KRT8: variants seen among roughly 807,000 people sequenced by gnomAD.
KRT8 encodes keratin 8, also known as keratin, type II cytoskeletal 8.
A neutral mutation model predicts 43.0 loss-of-function variants in KRT8; 24 were observed. That is an observed-to-expected ratio of 0.56 (90% confidence interval 0.40 to 0.78). The LOEUF (loss-of-function observed/expected upper bound fraction) is 0.78, where lower values mean the gene tolerates loss of function less well. Ranked by LOEUF, KRT8 falls within the 30% of genes least tolerant of loss-of-function variation. KRT8 has a pLI of 0.00. For synonymous variants in KRT8, 214 were observed against 261.2 expected, an observed-to-expected ratio of 0.82 and a Z score of 1.74; for missense variants, 492 against 638.4, an observed-to-expected ratio of 0.77 and a Z score of 2.47.
At chr12:52,911,839 C>T (rs554486713), upstream of KRT8, among the ~76,000 whole-genome samples, 132 of 152,230 alleles carry the variant, frequency 8.7e-4, no homozygotes, top group Non-Finnish European at 1.6e-3. Context: ...GCCTGGCCAA[C>T]ATGGTGAAAC....
intron 2 of KRT8, among the ~76,000 whole-genome samples, chr12:52,925,385 G>A (rs940461135): frequency 1.1e-4 from 17 of 152,286 alleles, no homozygotes; most frequent in African/African-American, 2.9e-4. Context: ...TGTGGGCCCC[G>A]AAGCATACCT....
At chr12:52,918,155 G>GGGAAGAAGAAGAGGAAGA (rs1941792343) in intron 2 of KRT8, among the ~76,000 whole-genome samples, 1 of 76,178 alleles carries the variant, frequency 1.3e-5, no homozygotes, top group African/African-American at 5.3e-5. Context: ...GAGGGAGAAG[G>GGGAAGAAGAAGAGGAAGA]GGAAGAAGAA....
At position 52,902,138 on chromosome 12, in the gene KRT8, A is replaced by C. The variant is rs1233680883; in HGVS notation, c.325-66T>G. On this transcript the variant is annotated intron_variant, in intron 1 of 7. Coordinates refer to ENST00000692008, the Ensembl canonical transcript of KRT8. Reference sequence around the variant, plus strand: ...CAGGGCTCAAAGTCTGGAGGAAAGCAAGCAGTCTTTTCTCTTAATTCACTC... The same window carrying C: ...CAGGGCTCAAAGTCTGGAGGAAAGCCAGCAGTCTTTTCTCTTAATTCACTC... 5 of 978,310 alleles carry C rather than the reference A, an allele frequency of 5.1e-6. No individual in the cohort carries two copies. In the African/African-American group the frequency reaches 7.9e-5, roughly 16 times the overall value. 60.6% of individuals were successfully genotyped at this position (978,310 alleles called of 1,614,324 possible).
chr12:52,901,091 A>C lies in KRT8; in HGVS notation c.594+68T>G, dbSNP rs1941358175. The C allele has an allele frequency of 2.7e-6, 3 of 1,128,996 alleles. No individual in the cohort carries two copies. In the Admixed American group the frequency reaches 5.0e-5, roughly 19 times the overall value. The allele number at this position is 1,128,996 out of a possible 1,614,324, so 69.9% of individuals were successfully genotyped here. ...GAATATTTAGGGACAAAACCCAGAA[A>C]GCTTCTTGGTCTGAGTCTCTGAGCC... is the stretch of plus-strand genomic sequence containing the variant. On this transcript the variant is annotated intron_variant, in intron 3 of 7. Coordinates refer to ENST00000692008, the Ensembl canonical transcript of KRT8.
chr12:52,928,609 A>G (rs1942033101), intron 2 of KRT8, among the ~76,000 whole-genome samples: 1 of 152,096 alleles, frequency 6.6e-6, no homozygotes, highest in Admixed American at 6.6e-5. Context: ...TTCCTTTAAA[A>G]AAAGAAAGAA....
rs557259160 is a variant in KRT8 at position 52,943,615 on chromosome 12, G to C, written c.-47+5841C>G. On this transcript the variant is annotated intron_variant, in intron 2 of 6. Coordinates refer to the KRT8 transcript ENST00000546826. ...TGAGGGGGATGCTCCAGGTGGGCCC[G>C]TTGCACGTGGCCGTGCAGGGTGTTC... 4.6e-5 allele frequency among the ~76,000 whole-genome samples: 7 copies of C among 152,312 alleles called. No homozygotes were observed. In the South Asian group the frequency reaches 1.5e-3, roughly 32 times the overall value.
intron 2 of KRT8, among the ~76,000 whole-genome samples, chr12:52,917,708 C>CA (rs535303270): frequency 0.014 from 422 of 29,898 alleles, 3 homozygotes; most frequent in Middle Eastern, 0.033. Flanking sequence ...GACTCTGTCT[C>CA]AAAAAAAAAA....
chr12:52,922,394 C>T (rs929720209), intron 2 of KRT8, among the ~76,000 whole-genome samples: 1 of 151,914 alleles, frequency 6.6e-6, no homozygotes, highest in Non-Finnish European at 1.5e-5. Flanking sequence ...ATGAGGAGGC[C>T]AGGCACGGTG....
intron 3 of KRT8, chr12:52,900,941 TGTTTTCTGA>T: frequency 3.1e-6 from 2 of 638,920 alleles, no homozygotes; most frequent in Non-Finnish European, 2.8e-6. Flanking sequence ...TCTACTGCTC[TGTTTTCTGA>T]ACCATGTCCC....
chr12:52,918,094 GA>G lies in KRT8; in HGVS notation c.-46-13068del, dbSNP rs1257344136. Among the ~76,000 whole-genome samples, 33 of 137,592 alleles carry G rather than the reference GA, an allele frequency of 2.4e-4. 1 individual carries two copies. The highest frequency in any genetic ancestry group is 8.7e-4 in the African/African-American group (30 of 34,380). The allele number at this position is 137,592 out of a possible 152,430, so 90.3% of individuals were successfully genotyped here. A position where few individuals can be genotyped will look rare whatever the true frequency, so the allele number is the denominator to read the frequency against. ...AAGAAGAGGAGGAGGAGGAGAAGAAGAAGAGGAAGAAGAAGAAGAAGAAGAG... is the reference window on the plus strand; with the variant it reads ...AAGAAGAGGAGGAGGAGGAGAAGAAGAGAGGAAGAAGAAGAAGAAGAAGAG... On this transcript the variant is annotated intron_variant, in intron 2 of 6. Transcript: ENST00000546826.
chr12:52,924,619 T>C (rs1195090457), intron 2 of KRT8, among the ~76,000 whole-genome samples: 5 of 152,094 alleles, frequency 3.3e-5, no homozygotes, highest in Non-Finnish European at 7.4e-5. Context: ...AAAAATAAAA[T>C]AAATTATATG....
At chr12:52,909,685 CT>C (rs1941593532), upstream of KRT8, among the ~76,000 whole-genome samples, 1 of 152,190 alleles carries the variant, frequency 6.6e-6, no homozygotes, top group African/African-American at 2.4e-5. Context: ...GGAGGGGGTT[CT>C]CACATCTGCT....
chr12:52,938,170 ATTTTTTTT>A (rs780140219), intron 2 of KRT8, among the ~76,000 whole-genome samples: 84 of 30,124 alleles, frequency 2.8e-3, no homozygotes, highest in Middle Eastern at 0.025. Context: ...ATATATATAT[ATTTTTTTT>A]TTTTTTTATA....
intron 2 of KRT8, chr12:52,947,739 C>T (rs1256991478): frequency 1.7e-5 from 2 of 118,802 alleles, no homozygotes; most frequent in South Asian, 2.7e-4. Flanking sequence ...CAGAGTCTTG[C>T]TCTGTTGTCT....
chr12:52,923,994 G>A (rs1216853532), intron 2 of KRT8, among the ~76,000 whole-genome samples: 3 of 151,252 alleles, frequency 2.0e-5, no homozygotes, highest in East Asian at 2.0e-4. Context: ...ACAGGCGCCC[G>A]CCACCACGCC....
At chr12:52,900,809 T>C (rs1941350430) in intron 3 of KRT8, 126 bp from the exon 4 acceptor site, 2 of 714,582 alleles carry the variant, frequency 2.8e-6, no homozygotes, top group African/African-American at 1.7e-5. Flanking sequence ...GGATTGATCT[T>C]CCAGCCCAGC....
At chr12:52,924,231 A>G (rs886546625) in intron 2 of KRT8, among the ~76,000 whole-genome samples, 2 of 152,044 alleles carry the variant, frequency 1.3e-5, no homozygotes, top group African/African-American at 4.8e-5. Flanking sequence ...GACAGATCAC[A>G]AGGTCAGGAA....
rs57758506 is a variant in KRT8 at position 52,949,556 on chromosome 12, A to T, written c.-147T>A. On this transcript the variant is annotated 5_prime_UTR_variant, in exon 2 of 7. Transcript: ENST00000546826. The stretch of plus-strand genomic sequence containing the variant: ...GGACCCCAGGTCAGAGACTGGAGCC[A>T]TTACTTCAAGATCATCGAGGACCTG... 3.2e-4 allele frequency: 519 copies of T among 1,613,856 alleles called. 3 individuals are homozygous for T. The highest frequency in any genetic ancestry group is 6.4e-5 in the Non-Finnish European group (76 of 1,180,046).
intron 2 of KRT8, among the ~76,000 whole-genome samples, chr12:52,930,217 A>AT (rs35917845): frequency 2.9e-4 from 42 of 146,440 alleles, no homozygotes; most frequent in Non-Finnish European, 3.2e-4. Flanking sequence ...CAATTCTATC[A>AT]TTTTTTTTTT....
Sources: allele counts gnomAD v4.1 joint callset (sites outside exome capture counted in the v4.1 genomes callset), GRCh38; gene constraint gnomAD v4.1.1; transcripts MANE v1.5; gene names NCBI Gene and HGNC (gene_info 2026-07-23, HGNC 2026-07-21).